VPS13C: variants seen among roughly 807,000 people sequenced by gnomAD.
VPS13C encodes the protein intermembrane lipid transfer protein VPS13C.
VPS13C carries 358 observed loss-of-function variants against 456.8 expected under a neutral mutation model. That is an observed-to-expected ratio of 0.78 (90% confidence interval 0.72 to 0.86). The LOEUF is 0.86. VPS13C is among the 40% of genes least tolerant of loss of function. The pLI is 0.00. For missense variants in VPS13C, 4,818 were observed against 4,385.4 expected (o/e 1.10, Z -2.79); for synonymous variants, 1,578 against 1,486.7 (o/e 1.06, Z -1.41).
intron 67 of VPS13C, among the ~76,000 whole-genome samples, chr15:61,885,046 T>C (rs1341696362): frequency 6.6e-6 from 1 of 152,036 alleles, no homozygotes; most frequent in Non-Finnish European, 1.5e-5. Flanking sequence ...TGCACTGAGG[T>C]CAGAAAAAAT....
intron 1 of VPS13C, among the ~76,000 whole-genome samples, chr15:62,056,380 A>G (rs1041315454): frequency 4.6e-5 from 7 of 152,206 alleles, no homozygotes; most frequent in Non-Finnish European, 1.0e-4. Context: ...AGCTGAGGGG[A>G]CATAGTGAGG....
rs777170219 is a variant in VPS13C, at chr15:61,981,396, C to T, written c.2112G>A (p.Thr704=). 3.7e-6 allele frequency: 6 copies of T among 1,611,920 alleles called. No individual in the cohort carries two copies. Among genetic ancestry groups the T allele is most frequent in the Admixed American group, 1.7e-5 (1 of 59,722 alleles). Residue 704 remains threonine, a synonymous_variant, in exon 22 of 85, where the codon ACG becomes ACA. Coordinates refer to ENST00000644861, the MANE Select transcript of VPS13C (RefSeq NM_020821.3). The stretch of plus-strand genomic sequence containing the variant: ...GATCTGACTTTTCATGGTGGAAACC[C>T]GTCTGTGGAACTACTAGATAAGAAG... ...LKPSYLVVPQ[T]GFHHEKSDLL...
At chr15:61,950,555 CAAA>C in intron 40 of VPS13C, 138 bp from the exon 41 acceptor site, 1 of 477,592 alleles carries the variant, frequency 2.1e-6, no homozygotes, top group Non-Finnish European at 3.5e-6. Flanking sequence ...GAAAGCCATT[CAAA>C]AAAAAAAAAC....
rs1394658981 is a variant in VPS13C, at chr15:61,867,020, T to C, written c.10863+1639A>G. The C allele has an allele frequency of 2.2e-6, 2 of 925,154 alleles. No homozygotes were observed. The highest frequency in any genetic ancestry group is 5.0e-5 in the South Asian group (1 of 20,124). The allele number at this position is 925,154 out of a possible 1,614,324, so 57.3% of individuals were successfully genotyped here. ...TTGAAACATAACTTATGTTGAGAAT[T>C]AAGAGGATACTAATTTCAAAAATAA... On this transcript the variant is annotated intron_variant, in intron 81 of 84. Transcript: ENST00000644861. The surrounding 1 kb of genome is among the most constrained non-coding windows in gnomAD (Gnocchi z 5.0).
At chr15:61,906,583 A>G (rs550899917) in intron 66 of VPS13C, 2 of 152,532 alleles carry the variant, frequency 1.3e-5, no homozygotes, top group African/African-American at 4.8e-5. Context: ...GCAAAAGTCA[A>G]GAAAGCCTTT....
intron 28 of VPS13C, among the ~76,000 whole-genome samples, chr15:61,968,244 T>C (rs912169544): frequency 2.6e-5 from 4 of 151,770 alleles, no homozygotes; most frequent in African/African-American, 4.8e-5. Context: ...TTCCAACCCA[T>C]AGTATAAACC....
Position 61,964,599 on chromosome 15 carries a change from G to A in VPS13C, c.3214+100C>T, listed in dbSNP as rs945264080. ...TTTAATTTGAAGAAAAGGGGAAAATGGTATTTAAATGACTGAGTCAGATAG... is the reference window on the plus strand; with the variant it reads ...TTTAATTTGAAGAAAAGGGGAAAATAGTATTTAAATGACTGAGTCAGATAG... On this transcript the variant is annotated intron_variant, in intron 31 of 84. Transcript: ENST00000644861. The A allele has an allele frequency of 2.7e-6, 3 of 1,121,054 alleles. No individual in the cohort carries two copies. In the African/African-American group the frequency reaches 4.7e-5, roughly 18 times the overall value. The allele number at this position is 1,121,054 out of a possible 1,614,324, so 69.4% of individuals were successfully genotyped here. A position where few individuals can be genotyped will look rare whatever the true frequency, so the allele number is the denominator to read the frequency against.
intron 1 of VPS13C, 50 bp downstream of exon 1, chr15:62,060,225 C>G (rs747038606): frequency 2.7e-6 from 3 of 1,117,918 alleles, no homozygotes; most frequent in Non-Finnish European, 4.0e-6. Flanking sequence ...GAGCAGCCCT[C>G]GGCTGGGCCC....
chr15:61,968,433 C>T (rs2045445869), intron 28 of VPS13C, among the ~76,000 whole-genome samples: 1 of 151,870 alleles, frequency 6.6e-6, no homozygotes, highest in African/African-American at 2.4e-5. Flanking sequence ...AAATACAATG[C>T]CATTTTATAT....
rs2043981942 is a variant in VPS13C, at chr15:61,929,493, C to G, written c.6286+8G>C. On this transcript the variant is annotated splice_region_variant and intron_variant, in intron 51 of 84. Coordinates refer to ENST00000644861, the MANE Select transcript of VPS13C (RefSeq NM_020821.3). ...AGTTGTCATCTATGACAGATAAATT[C>G]TGCTAACCTTTCTCTATCTTGACCT... 2.5e-6 allele frequency: 4 copies of G among 1,611,590 alleles called. No individual in the cohort carries two copies. Among genetic ancestry groups the G allele is most frequent in the Non-Finnish European group, 3.4e-6 (4 of 1,178,176 alleles).
At chr15:62,034,436 T>A (rs1221848258) in intron 4 of VPS13C, among the ~76,000 whole-genome samples, 4 of 151,526 alleles carry the variant, frequency 2.6e-5, no homozygotes, top group African/African-American at 9.7e-5. Context: ...AGTGAAAAAA[T>A]AATAATAAAG....
chr15:61,970,604 T>C (rs1161036678), intron 27 of VPS13C, among the ~76,000 whole-genome samples: 1 of 152,100 alleles, frequency 6.6e-6, no homozygotes, highest in Non-Finnish European at 1.5e-5. Context: ...AAGACCAGCC[T>C]GGGCAACATA....
intron 64 of VPS13C, among the ~76,000 whole-genome samples, chr15:61,909,454 G>A (rs1293616896): frequency 2.6e-5 from 4 of 152,138 alleles, no homozygotes; most frequent in African/African-American, 4.8e-5. Flanking sequence ...TGATCAGCCC[G>A]CCTCGGCCTC....
Position 62,010,992 on chromosome 15 carries a change from T to C in VPS13C, c.884-393A>G, listed in dbSNP as rs1055312472. On this transcript the variant is annotated intron_variant, in intron 12 of 84. Transcript: ENST00000644861. ...GAAATAAGATCTGATAAATTTGTCT[T>C]ATTTAATCACTAGCAGAATTTAGTA... Among the ~76,000 whole-genome samples, 5 of 152,298 alleles carry C rather than the reference T, an allele frequency of 3.3e-5. No individual in the cohort carries two copies. In the East Asian group the frequency reaches 9.6e-4, roughly 29 times the overall value.
chr15:61,879,678 C>G (rs1323253893), intron 73 of VPS13C, among the ~76,000 whole-genome samples: 1 of 151,996 alleles, frequency 6.6e-6, no homozygotes, highest in Non-Finnish European at 1.5e-5. Flanking sequence ...TGTTTTATAC[C>G]TCCACAGCAA....
Position 61,983,954 on chromosome 15 carries a change from G to A in VPS13C, c.1780C>T (p.Pro594Ser). The A allele has an allele frequency of 6.2e-7, 1 of 1,614,092 alleles. No homozygotes were observed. Among genetic ancestry groups the A allele is most frequent in the Non-Finnish European group, 8.5e-7 (1 of 1,179,988 alleles). Residue 594 changes from proline (P) to serine (S), a missense_variant, in exon 20 of 85, where the codon CCA (proline) becomes TCA (serine). Coordinates refer to ENST00000644861, the MANE Select transcript of VPS13C (RefSeq NM_020821.3). ...ITGLRQQDIV[P>S]SLVASIGDTT... is the part of the protein sequence containing the mutation. ...TCACCAATTGAAGCCACAAGTGATG[G>A]CACAATATCCTGCTGTCTCAAACCT...
intron 9 of VPS13C, among the ~76,000 whole-genome samples, chr15:62,017,182 T>C (rs528165882): frequency 1.3e-3 from 198 of 152,342 alleles, no homozygotes; most frequent in African/African-American, 4.5e-3. Flanking sequence ...ATTCTGGATA[T>C]TAGCCCTTTG....
chr15:61,856,212 T>C, intron 83 of VPS13C, 74 bp downstream of exon 83: 3 of 1,543,558 alleles, frequency 1.9e-6, no homozygotes, highest in Non-Finnish European at 2.6e-6. Context: ...CCTTCAAATA[T>C]TTTGTGTAGT....
chr15:61,869,116 CTTTTTTTT>C (rs68084709), intron 80 of VPS13C, among the ~76,000 whole-genome samples: 99 of 131,332 alleles, frequency 7.5e-4, no homozygotes, highest in Middle Eastern at 4.0e-3. Context: ...TTTCTTTTTT[CTTTTTTTT>C]TTTTTTTTTT....
Sources: allele counts gnomAD v4.1 joint callset (sites outside exome capture counted in the v4.1 genomes callset), GRCh38; gene constraint gnomAD v4.1.1; non-coding constraint Gnocchi (gnomAD v3.1); transcripts MANE v1.5; gene names NCBI Gene and HGNC (gene_info 2026-07-23, HGNC 2026-07-21).